Variants in MAP3K5 observed in about 807,000 individuals in gnomAD.
MAP3K5 encodes the protein ASK-1.
A neutral mutation model predicts 158.7 loss-of-function variants in MAP3K5; 56 were observed. The observed-to-expected ratio is 0.35, with a 90% CI of 0.28 to 0.44. MAP3K5 has a LOEUF of 0.44. MAP3K5 is among the 20% of genes least tolerant of loss of function. The pLI, the probability that MAP3K5 is intolerant of heterozygous loss-of-function variation, is 1.00. For missense variants in MAP3K5, 1,294 were observed against 1,674.8 expected, an observed-to-expected ratio of 0.77 and a Z score of 3.97; for synonymous variants, 579 against 601.7, an observed-to-expected ratio of 0.96 and a Z score of 0.55.
chr6:136,571,295 G>A (rs752449863), intron 25 of MAP3K5, among the ~76,000 whole-genome samples: 3 of 152,052 alleles, frequency 2.0e-5, no homozygotes, highest in East Asian at 3.9e-4. Context: ...TCTTGGTCAC[G>A]GGACAAGAAC....
In MAP3K5 at chr6:136,694,179, T is replaced by C; in HGVS notation, c.1214A>G (p.Asn405Ser). The C allele has an allele frequency of 2.5e-6, 4 of 1,613,712 alleles. No individual in the cohort carries two copies. The highest frequency in any genetic ancestry group is 1.1e-5 in the South Asian group (1 of 91,014). ...GTCTCTGCTTTCAGTGTCCGTGAAA[T>C]TAGAGTCCAAAAACATATCTTTGTA... ...RIYKDMFLDS[N>S]FTDTESRDHG... The change falls in exon 7 of 30, where the codon AAT becomes AGT. Residue 405 changes from asparagine to serine, a missense_variant. Physicochemically the swap from Asn to Ser is conservative, Grantham distance 46. Around this residue, in one of 5 missense-constraint regions of MAP3K5, gnomAD observed 690 missense variants for 870.5 expected, o/e 0.79. Transcript: ENST00000359015.
At chr6:136,589,110 A>G (rs1775271763) in intron 23 of MAP3K5, among the ~76,000 whole-genome samples, 1 of 152,242 alleles carries the variant, frequency 6.6e-6, no homozygotes, top group Non-Finnish European at 1.5e-5. Context: ...AGGCAGAGAC[A>G]GGCTGAGATT....
intron 14 of MAP3K5, among the ~76,000 whole-genome samples, chr6:136,636,009 T>C (rs558478501): frequency 2.6e-5 from 4 of 152,348 alleles, no homozygotes; most frequent in Non-Finnish European, 4.4e-5. Flanking sequence ...TAAATAAGTA[T>C]GCCAATTAGA....
At chr6:136,674,097 A>T (rs977545988) in intron 7 of MAP3K5, among the ~76,000 whole-genome samples, 1 of 152,074 alleles carries the variant, frequency 6.6e-6, no homozygotes, top group African/African-American at 2.4e-5. Context: ...GCCAGAATAC[A>T]ACGTAGTGAC....
chr6:136,678,651 C>T (rs1013458106), intron 7 of MAP3K5, among the ~76,000 whole-genome samples: 2 of 151,812 alleles, frequency 1.3e-5, no homozygotes, highest in African/African-American at 4.8e-5. Flanking sequence ...CTTTGAGTAA[C>T]CATACGAAGT....
At chr6:136,599,683 C>T (rs1333948581) in intron 21 of MAP3K5, among the ~76,000 whole-genome samples, 2 of 152,130 alleles carry the variant, frequency 1.3e-5, no homozygotes, top group Non-Finnish European at 2.9e-5. Flanking sequence ...TTATTTTATT[C>T]CCAGAACCAA....
At chr6:136,732,061 A>T (rs751757155) in intron 1 of MAP3K5, among the ~76,000 whole-genome samples, 1 of 152,212 alleles carries the variant, frequency 6.6e-6, no homozygotes, top group Non-Finnish European at 1.5e-5. Flanking sequence ...TTCAGATGAG[A>T]CAGATGGGTT....
intron 25 of MAP3K5, chr6:136,579,744 CA>C (rs1202280211): frequency 6.6e-6 from 3 of 451,966 alleles, no homozygotes; most frequent in Non-Finnish European, 1.3e-5. Flanking sequence ...GGGGTATGTG[CA>C]AAATCTCTGT....
intron 11 of MAP3K5, 54 bp from the exon 12 acceptor site, chr6:136,642,623 C>T (rs1778037659): frequency 8.3e-7 from 1 of 1,208,264 alleles, no homozygotes; most frequent in Non-Finnish European, 1.2e-6. Context: ...AATAACATAA[C>T]AACAATAATT....
chr6:136,710,985 T>C (rs1781282669), intron 2 of MAP3K5, among the ~76,000 whole-genome samples: 1 of 152,170 alleles, frequency 6.6e-6, no homozygotes, highest in African/African-American at 2.4e-5. Context: ...CTGGGCCTCC[T>C]AGGCCTTGCT....
chr6:136,697,703 A>G (rs1257911941), intron 4 of MAP3K5, among the ~76,000 whole-genome samples: 1 of 151,996 alleles, frequency 6.6e-6, no homozygotes, highest in Non-Finnish European at 1.5e-5. Flanking sequence ...TCCAGTACAA[A>G]TTGTTCTAAA....
intron 1 of MAP3K5, among the ~76,000 whole-genome samples, chr6:136,755,535 C>T (rs1009406178): frequency 3.3e-5 from 5 of 151,662 alleles, no homozygotes; most frequent in South Asian, 2.1e-4. Context: ...AGTGAGACTC[C>T]GACTCTTCAA....
intron 5 of MAP3K5, 52 bp downstream of exon 5, chr6:136,697,167 T>C: frequency 2.0e-6 from 3 of 1,521,004 alleles, no homozygotes; most frequent in Non-Finnish European, 2.7e-6. Context: ...AATACTCCCT[T>C]ATCCCTCCAA....
intron 1 of MAP3K5, among the ~76,000 whole-genome samples, chr6:136,759,581 C>A (rs1783654154): frequency 6.7e-6 from 1 of 149,994 alleles, no homozygotes; most frequent in African/African-American, 2.4e-5. Flanking sequence ...AGCGATCCTC[C>A]CACCTCAGCC....
chr6:136,579,691 G>A, intron 25 of MAP3K5: 4 of 396,876 alleles, frequency 1.0e-5, no homozygotes, highest in South Asian at 7.4e-5. Flanking sequence ...CCACTCTGTG[G>A]GGGACCTTGA....
intron 7 of MAP3K5, among the ~76,000 whole-genome samples, chr6:136,673,281 G>A (rs1326915739): frequency 6.6e-6 from 1 of 152,164 alleles, no homozygotes; most frequent in Admixed American, 6.5e-5. Flanking sequence ...GGCTAACAGA[G>A]GAAAAGGAGA....
intron 1 of MAP3K5, among the ~76,000 whole-genome samples, chr6:136,763,194 A>G (rs1327458137): frequency 6.6e-6 from 1 of 152,000 alleles, no homozygotes; most frequent in Non-Finnish European, 1.5e-5. Flanking sequence ...GGGCATCACT[A>G]TGTTGCCCAG....
chr6:136,792,707 C>A (rs1785143929), upstream of MAP3K5, among the ~76,000 whole-genome samples: 1 of 152,212 alleles, frequency 6.6e-6, no homozygotes. This position sits in a 1 kb window ranked among gnomAD's most constrained non-coding sequence, Gnocchi z 5.7. Flanking sequence ...GCCGAAAGGA[C>A]CCTCCTCCCT....
intron 1 of MAP3K5, among the ~76,000 whole-genome samples, chr6:136,742,167 G>C (rs931682333): frequency 7.2e-5 from 11 of 152,100 alleles, no homozygotes; most frequent in African/African-American, 2.4e-4. Context: ...TGTGGAGAGG[G>C]AAAAGACCAG....
Sources: allele counts gnomAD v4.1 joint callset (sites outside exome capture counted in the v4.1 genomes callset), GRCh38; gene constraint gnomAD v4.1.1; regional missense constraint gnomAD v4.1.1; non-coding constraint Gnocchi (gnomAD v3.1); transcripts MANE v1.5; gene names NCBI Gene and HGNC (gene_info 2026-07-23, HGNC 2026-07-21).